CACNA1G: variants seen among roughly 807,000 people sequenced by gnomAD.
CACNA1G encodes calcium voltage-gated channel subunit alpha1 G.
A neutral mutation model predicts 219.4 loss-of-function variants in CACNA1G; 67 were observed. The observed-to-expected ratio is 0.31, with a 90% confidence interval of 0.25 to 0.37. The LOEUF is 0.37. Ranked by LOEUF, CACNA1G falls within the 10% of genes least tolerant of loss-of-function variation. The pLI is 1.00. For synonymous variants in CACNA1G, 1,296 were observed against 1,345.3 expected (o/e 0.96, Z 0.80); for missense variants, 2,380 against 3,231.4 (o/e 0.74, Z 6.39).
chr17:50,592,088 C>T lies in CACNA1G; in HGVS notation c.2906C>T (p.Ala969Val), dbSNP rs781013378. The change falls in exon 13 of 38, where the codon GCG (alanine) becomes GTG (valine). Residue 969 changes from alanine (A) to valine (V), a missense_variant. By Grantham distance (64) the Ala-to-Val change is moderately conservative. Coordinates refer to ENST00000359106, the MANE Select transcript of CACNA1G (RefSeq NM_018896.5). ...GCCATTCTGGTGGAGGGCTTCCAGG[C>T]GGAGGTAACCCACTGCTCTGCCCAC... is the stretch of plus-strand genomic sequence containing the variant. Reference protein sequence around the residue: ...LVAILVEGFQAEEISKREDAS... With the variant: ...LVAILVEGFQVEEISKREDAS... The T allele has an allele frequency of 4.3e-6, 7 of 1,611,492 alleles. No homozygotes were observed. Among genetic ancestry groups the T allele is most frequent in the Non-Finnish European group, 5.1e-6 (6 of 1,178,610 alleles).
intron 1 of CACNA1G, among the ~76,000 whole-genome samples, chr17:50,565,568 A>G (rs2037570550): frequency 6.6e-6 from 1 of 152,128 alleles, no homozygotes; most frequent in Non-Finnish European, 1.5e-5. Context: ...TCCTGGGTCC[A>G]GGCCCATTTT....
At chr17:50,589,912 C>CTCTCTCTCTGTGTG (rs1326523232) in intron 9 of CACNA1G, among the ~76,000 whole-genome samples, 358 of 141,900 alleles carry the variant, frequency 2.5e-3, no homozygotes, top group African/African-American at 9.2e-3. Context: ...CTCTCTCTCT[C>CTCTCTCTCTGTGTG]TGTGTGTGTG....
At chr17:50,570,554 G>A (rs973936034) in intron 4 of CACNA1G, among the ~76,000 whole-genome samples, 7 of 38,346 alleles carry the variant, frequency 1.8e-4, no homozygotes, top group South Asian at 1.5e-3. Context: ...AGCCCCCTGC[G>A]CTCTGTGTGT....
intron 14 of CACNA1G, among the ~76,000 whole-genome samples, chr17:50,595,702 GC>G (rs2045400395): frequency 6.6e-6 from 1 of 152,262 alleles, no homozygotes; most frequent in African/African-American, 2.4e-5. Flanking sequence ...GCTGTTCCCT[GC>G]CCCAGCACCA....
chr17:50,600,463 G>A lies in CACNA1G; in HGVS notation c.3691-263G>A, dbSNP rs1258963156. ...TGGGCTGGAGGCAGGGGTGGGGAGA[G>A]GGGAGAGCGGGGTTGGGGATGCAGG... On this transcript the variant is annotated intron_variant, in intron 17 of 37. Coordinates refer to ENST00000359106, the MANE Select transcript of CACNA1G (RefSeq NM_018896.5). The surrounding 1 kb of genome is among the most constrained non-coding windows in gnomAD (Gnocchi z 4.1). Among the ~76,000 whole-genome samples the A allele has an allele frequency of 2.0e-5, 3 of 152,014 alleles. No individual in the cohort carries two copies. Among genetic ancestry groups the A allele is most frequent in the African/African-American group, 7.2e-5 (3 of 41,402 alleles).
rs755610044 is a variant in CACNA1G, at chr17:50,599,463, C to T, written c.3294C>T (p.Ser1098=). The change falls in exon 17 of 38, where the codon AGC becomes AGT. Residue 1098 remains serine, a synonymous_variant. Coordinates refer to ENST00000359106, the MANE Select transcript of CACNA1G (RefSeq NM_018896.5). ...GCAGCTCTCCGCACAGCCCCTGGAG[C>T]GCTGCAAGCAGCTGGACCAGCAGGC... ...SARSSPHSPW[S]AASSWTSRRS... The T allele has an allele frequency of 2.5e-5, 39 of 1,573,170 alleles. No homozygotes were observed. The highest frequency in any genetic ancestry group is 4.1e-4 in the Middle Eastern group (2 of 4,860).
intron 9 of CACNA1G, among the ~76,000 whole-genome samples, chr17:50,579,031 G>C (rs539879217): frequency 1.3e-5 from 2 of 152,208 alleles, no homozygotes; most frequent in East Asian, 3.9e-4. Context: ...GAGGGTTGGT[G>C]CCTGCGCCTG....
Position 50,618,482 on chromosome 17 carries a change from TC to T in CACNA1G, c.5427+142del. The T allele has an allele frequency of 2.4e-6, 3 of 1,264,922 alleles. No individual in the cohort carries two copies. Among genetic ancestry groups the T allele is most frequent in the Non-Finnish European group, 3.4e-6 (3 of 894,094 alleles). 78.4% of individuals were successfully genotyped at this position (1,264,922 alleles called of 1,614,324 possible). On this transcript the variant is annotated intron_variant, in intron 32 of 37. Transcript: ENST00000359106. The surrounding 1 kb of genome is among the most constrained non-coding windows in gnomAD (Gnocchi z 5.3). ...TGCTAGAACACTCTGGAACTCCCTCTCCCAGGAACATGCTCTGACTCACACT... is the reference window on the plus strand; with the variant it reads ...TGCTAGAACACTCTGGAACTCCCTCTCCAGGAACATGCTCTGACTCACACT...
chr17:50,569,420 A>G (rs1336499285), intron 3 of CACNA1G, 122 bp downstream of exon 3: 137 of 1,076,132 alleles, frequency 1.3e-4, no homozygotes, highest in Non-Finnish European at 2.1e-5. Context: ...CTCCCTGGCT[A>G]TCTCCTGAGG....
rs1555635410 is a variant in CACNA1G, at chr17:50,569,014, GT to G, written c.354+35del. The G allele has an allele frequency of 8.3e-4, 1,085 of 1,301,004 alleles. 3 individuals carry two copies. Among genetic ancestry groups the G allele is most frequent in the Non-Finnish European group, 9.1e-4 (890 of 977,798 alleles). 80.6% of individuals were successfully genotyped at this position (1,301,004 alleles called of 1,614,324 possible). A position where few individuals can be genotyped will look rare whatever the true frequency, so the allele number is the denominator to read the frequency against. On this transcript the variant is annotated intron_variant, in intron 2 of 37. Transcript: ENST00000359106. ...TGTGTGTGTGTGTGTGTGTGTGTGT[GT>G]TGTGTGTGTTGGGGGTTGGCCCCTC...
chr17:50,588,766 C>G (rs1163719601), intron 9 of CACNA1G, among the ~76,000 whole-genome samples: 2 of 152,264 alleles, frequency 1.3e-5, no homozygotes, highest in Admixed American at 1.3e-4. Context: ...CTGGCCCTGA[C>G]TCTGCCCCCA....
At chr17:50,608,529 T>C (rs1226612816) in intron 25 of CACNA1G, among the ~76,000 whole-genome samples, 4 of 146,672 alleles carry the variant, frequency 2.7e-5, no homozygotes, top group Non-Finnish European at 4.5e-5. Context: ...TACCATGATA[T>C]ATATATATAT....
chr17:50,616,139 A>G (rs575501791), intron 27 of CACNA1G, 136 bp from the exon 28 acceptor site: 6 of 586,188 alleles, frequency 1.0e-5, no homozygotes, highest in Non-Finnish European at 1.8e-5. Context: ...GCCAGCCATC[A>G]TGATGGGAAC....
chr17:50,598,205 T>C (rs1421163090), intron 16 of CACNA1G, among the ~76,000 whole-genome samples: 2 of 152,194 alleles, frequency 1.3e-5, no homozygotes, highest in African/African-American at 4.8e-5. Context: ...TTTTTTGTAT[T>C]TTTAGTAGAG....
intron 27 of CACNA1G, among the ~76,000 whole-genome samples, chr17:50,615,844 G>T (rs1262161523): frequency 6.6e-6 from 1 of 152,224 alleles, no homozygotes; most frequent in African/African-American, 2.4e-5. Context: ...CCCTTCTGGA[G>T]TTGAGATTCT....
chr17:50,564,399 C>A (rs999968359), intron 1 of CACNA1G, among the ~76,000 whole-genome samples: 3 of 151,544 alleles, frequency 2.0e-5, no homozygotes, highest in African/African-American at 7.3e-5. Context: ...AAGCTCAGAG[C>A]CCAGCACAGC....
chr17:50,607,697 A>C (rs896745285), intron 24 of CACNA1G, 130 bp from the exon 25 acceptor site: 5 of 729,000 alleles, frequency 6.9e-6, no homozygotes, highest in Non-Finnish European at 1.2e-5. Flanking sequence ...TCAAACCCAC[A>C]CCATTCATTT....
At chr17:50,623,091 C>CTTT (rs35688516) in intron 35 of CACNA1G, among the ~76,000 whole-genome samples, 3,546 of 79,404 alleles carry the variant, frequency 0.045, 161 homozygotes, top group East Asian at 0.088. Context: ...CTGCTGTTGG[C>CTTT]TTTTTTTTTT....
At chr17:50,569,015 T>TGTTG (rs58450142) in intron 2 of CACNA1G, 34 bp downstream of exon 2, 470 of 1,224,700 alleles carry the variant, frequency 3.8e-4, no homozygotes, top group African/African-American at 2.2e-3. Context: ...TGTGTGTGTG[T>TGTTG]TGTGTGTGTT....
Sources: gnomAD v4.1 joint callset for allele counts (sites outside exome capture counted in the v4.1 genomes callset) on GRCh38, gnomAD v4.1.1 for gene constraint, Gnocchi (gnomAD v3.1) non-coding constraint, MANE v1.5 for transcripts, NCBI Gene and HGNC (gene_info 2026-07-23, HGNC 2026-07-21) for gene names.